The following COMMD1 variants were observed in gnomAD, a reference collection of about 807,000 sequenced individuals.
COMMD1 encodes copper metabolism domain containing 1, also known as COMM domain-containing protein 1.
In COMMD1, 10 loss-of-function variants were observed where a neutral mutation model predicts 17.2. The observed-to-expected ratio is 0.58, with a 90% confidence interval of 0.36 to 0.99. The LOEUF is 0.99. Ranked by LOEUF, COMMD1 falls within the 50% of genes least tolerant of loss-of-function variation. COMMD1 has a pLI of 0.01. For synonymous variants in COMMD1, 97 were observed against 91.6 expected (o/e 1.06, Z -0.34); for missense variants, 270 against 231.8 (o/e 1.17, Z -1.07).
At chr2:62,034,299 C>T (rs919448553) in intron 2 of COMMD1, among the ~76,000 whole-genome samples, 5 of 151,772 alleles carry the variant, frequency 3.3e-5, no homozygotes, top group African/African-American at 4.8e-5. Context: ...GTCAGACGTT[C>T]GAGATCAGCC....
At chr2:61,940,637 G>A (rs932166749) in intron 1 of COMMD1, among the ~76,000 whole-genome samples, 3 of 152,042 alleles carry the variant, frequency 2.0e-5, no homozygotes, top group African/African-American at 7.2e-5. Flanking sequence ...TTCCAGTCTA[G>A]GGCAAATAGT....
chr2:61,910,116 T>C (rs948547193), intron 1 of COMMD1, among the ~76,000 whole-genome samples: 1 of 152,200 alleles, frequency 6.6e-6, no homozygotes, highest in Non-Finnish European at 1.5e-5. Flanking sequence ...CTCTAGTTTT[T>C]ATTTTTGGGT....
intron 2 of COMMD1, among the ~76,000 whole-genome samples, chr2:62,021,594 G>C (rs1669616076): frequency 6.6e-6 from 1 of 152,180 alleles, no homozygotes; most frequent in Non-Finnish European, 1.5e-5. Context: ...GGTTGGTTTG[G>C]TGGAAAGTTT....
intron 1 of COMMD1, among the ~76,000 whole-genome samples, chr2:61,889,647 T>C (rs1363797805): frequency 6.6e-6 from 1 of 152,052 alleles, no homozygotes; most frequent in Non-Finnish European, 1.5e-5. Flanking sequence ...TTGTTCATTT[T>C]GAAAGGGAGT....
At chr2:62,077,378 T>C (rs1213439908) in intron 2 of COMMD1, among the ~76,000 whole-genome samples, 1 of 152,226 alleles carries the variant, frequency 6.6e-6, no homozygotes. Flanking sequence ...GTTGCCTCCT[T>C]CTATTTTGAG....
intron 1 of COMMD1, among the ~76,000 whole-genome samples, chr2:61,999,903 A>T (rs563918718): frequency 1.3e-5 from 2 of 150,840 alleles, no homozygotes; most frequent in African/African-American, 4.9e-5. Context: ...GCTTATTCTC[A>T]TTACTGTCTG....
At chr2:62,126,167 A>T (rs1364967035) in intron 2 of COMMD1, among the ~76,000 whole-genome samples, 2 of 152,176 alleles carry the variant, frequency 1.3e-5, no homozygotes, top group Non-Finnish European at 2.9e-5. Context: ...TATCCAGCCT[A>T]TCATTGATGG....
chr2:62,063,801 T>C lies in COMMD1; in HGVS notation c.462+62819T>C, dbSNP rs549276959. ...CAAGAAATTCTATTTCGCTTTTTTT[T>C]CATATCTGGTCATTTAAAGTAATAT... On this transcript the variant is annotated intron_variant, in intron 2 of 2. Transcript: ENST00000311832. Among the ~76,000 whole-genome samples, 15 of 147,808 alleles carry C rather than the reference T, an allele frequency of 1.0e-4. No individual in the cohort carries two copies. The Admixed American group carries it at 1.0e-3, about 10-fold the overall frequency.
At chr2:62,105,947 C>T (rs1195408701) in intron 2 of COMMD1, among the ~76,000 whole-genome samples, 1 of 152,188 alleles carries the variant, frequency 6.6e-6, no homozygotes, top group Non-Finnish European at 1.5e-5. Flanking sequence ...AATATCCAAA[C>T]TATGTCAGGG....
chr2:62,119,040 T>C (rs1672675815), intron 2 of COMMD1: 1 of 152,200 alleles, frequency 6.6e-6, no homozygotes, highest in South Asian at 2.1e-4. Context: ...TGTAACTGCA[T>C]TTGGAGATAA....
chr2:61,929,209 A>G (rs78040653), intron 1 of COMMD1, among the ~76,000 whole-genome samples: 3,522 of 152,358 alleles, frequency 0.023, 55 homozygotes, highest in Non-Finnish European at 0.031. Context: ...AAGAATGTCT[A>G]GTGATAAACC....
chr2:62,092,009 C>G (rs1279871887), intron 2 of COMMD1, among the ~76,000 whole-genome samples: 7 of 152,170 alleles, frequency 4.6e-5, no homozygotes, highest in Admixed American at 4.6e-4. Context: ...ACATCCTGAT[C>G]TGTATCATAC....
intron 2 of COMMD1, among the ~76,000 whole-genome samples, chr2:62,081,862 T>C (rs867533592): frequency 1.3e-5 from 2 of 152,224 alleles, no homozygotes; most frequent in African/African-American, 4.8e-5. Context: ...GTCAATCTTA[T>C]GCTTTTATTT....
At chr2:62,101,280 C>T (rs1672170019) in intron 2 of COMMD1, among the ~76,000 whole-genome samples, 1 of 152,062 alleles carries the variant, frequency 6.6e-6, no homozygotes, top group African/African-American at 2.4e-5. Flanking sequence ...GTGGAGACCC[C>T]ACAGGTCTTA....
At chr2:61,940,688 ATTC>A (rs1670720651) in intron 1 of COMMD1, among the ~76,000 whole-genome samples, 2 of 151,526 alleles carry the variant, frequency 1.3e-5, no homozygotes, top group African/African-American at 2.4e-5. Flanking sequence ...TCTGGGATGA[ATTC>A]TTTTTTTTTT....
intron 1 of COMMD1, among the ~76,000 whole-genome samples, chr2:61,916,748 T>G (rs1670061749): frequency 6.6e-6 from 1 of 152,128 alleles, no homozygotes; most frequent in South Asian, 2.1e-4. Context: ...TTTTAAAAAT[T>G]TAATCGTCTC....
At chr2:61,905,551 C>G (rs1045674487), upstream of COMMD1, 2 of 885,148 alleles carry the variant, frequency 2.3e-6, no homozygotes, top group Non-Finnish European at 3.4e-6. Context: ...AACTCTGACC[C>G]CTGGGGAAGC....
intron 1 of COMMD1, among the ~76,000 whole-genome samples, chr2:61,919,562 TGAGTA>T (rs1670135582): frequency 6.7e-6 from 1 of 150,316 alleles, no homozygotes; most frequent in Non-Finnish European, 1.5e-5. Flanking sequence ...TTTTTTTCAT[TGAGTA>T]GAGAACCAGT....
intron 1 of COMMD1, among the ~76,000 whole-genome samples, chr2:61,997,837 G>C (rs936324389): frequency 6.6e-6 from 1 of 152,172 alleles, no homozygotes; most frequent in African/African-American, 2.4e-5. Flanking sequence ...AGCTGTGAAA[G>C]TCCTATTTTA....
Sources: allele counts gnomAD v4.1 joint callset (sites outside exome capture counted in the v4.1 genomes callset), GRCh38; gene constraint gnomAD v4.1.1; transcripts MANE v1.5; gene names NCBI Gene and HGNC (gene_info 2026-07-23, HGNC 2026-07-21).